Variants in BCL3 observed in about 807,000 individuals in gnomAD.
BCL3 encodes the protein BCL3 transcription coactivator, also known as B-cell lymphoma 3 protein.
A neutral mutation model predicts 35.7 loss-of-function variants in BCL3; 15 were observed. The ratio of observed to expected loss-of-function variants is 0.42; its 90% CI spans 0.28 to 0.65. BCL3 has a LOEUF of 0.65. BCL3 is among the 30% of genes least tolerant of loss of function. The pLI, the probability that BCL3 is intolerant of heterozygous loss-of-function variation, is 0.22. For synonymous variants in BCL3, 311 were observed against 284.3 expected, an observed-to-expected ratio of 1.09 and a Z score of -0.95; for missense variants, 565 against 641.7, an observed-to-expected ratio of 0.88 and a Z score of 1.29.
chr19:44,758,368 G>A lies in BCL3; in HGVS notation c.1014G>A (p.Lys338=). ...LVRSGADSSL[K]NCHNDTPLMV... is the part of the protein sequence containing the mutation. ...GCAGCGGCGCTGACAGCAGCCTCAA[G>A]AACTGCCACAACGACACGCCGCTCA... Residue 338 remains lysine, a synonymous_variant, in exon 7 of 9, where the codon AAG becomes AAA. Transcript: ENST00000164227. 3.2e-6 allele frequency: 5 copies of A among 1,551,592 alleles called. 1 individual carries two copies. Among genetic ancestry groups the A allele is most frequent in the Middle Eastern group, 1.8e-4 (1 of 5,476 alleles).
At chr19:44,754,335 C>A (rs1188411947) in intron 2 of BCL3, among the ~76,000 whole-genome samples, 20 of 152,064 alleles carry the variant, frequency 1.3e-4, no homozygotes, top group Non-Finnish European at 2.2e-4. Flanking sequence ...TATGCGCCCC[C>A]CCTACACACA....
intron 8 of BCL3, among the ~76,000 whole-genome samples, 179 bp downstream of exon 8, chr19:44,759,020 A>G (rs1599844664): frequency 1.7e-5 from 1 of 59,480 alleles, no homozygotes; most frequent in African/African-American, 6.8e-5. Context: ...CCTCCCTCAG[A>G]CCCCAGCCCC....
intron 2 of BCL3, among the ~76,000 whole-genome samples, chr19:44,755,666 C>T (rs899779062): frequency 6.6e-6 from 1 of 152,168 alleles, no homozygotes; most frequent in Non-Finnish European, 1.5e-5. Context: ...AATCCCAGCA[C>T]TTTGGGAGGC....
chr19:44,748,833 G>A lies in BCL3; in HGVS notation c.43G>A (p.Asp15Asn). ...PAGAMDEGPV[D>N]LRTRPKAAGL... ...GGGGGCCATGGACGAGGGGCCCGTG[G>A]ACCTGCGCACCCGGCCCAAGGCCGC... Residue 15 changes from aspartate (D) to asparagine (N), a missense_variant, in exon 1 of 9, where the codon GAC becomes AAC. This residue lies in a region of BCL3 where 267 missense variants were observed against 281.5 expected (regional missense o/e 0.95). Coordinates refer to ENST00000164227, the MANE Select transcript of BCL3 (RefSeq NM_005178.5). 9.0e-7 allele frequency: 1 copy of A among 1,108,792 alleles called. No individual in the cohort carries two copies. Among genetic ancestry groups the A allele is most frequent in the Non-Finnish European group, 1.1e-6 (1 of 910,480 alleles). The allele number at this position is 1,108,792 out of a possible 1,614,324, so 68.7% of individuals were successfully genotyped here.
At chr19:44,753,828 C>CGGG (rs58964062) in intron 2 of BCL3, among the ~76,000 whole-genome samples, 1 of 32,494 alleles carries the variant, frequency 3.1e-5, no homozygotes, top group South Asian at 1.4e-3. Context: ...AAGGCGGGGG[C>CGGG]GGGGGGGGGG....
At chr19:44,756,674 G>T (rs1967293728) in intron 3 of BCL3, among the ~76,000 whole-genome samples, 1 of 151,530 alleles carries the variant, frequency 6.6e-6, no homozygotes, top group African/African-American at 2.4e-5. Context: ...ACTCTAAGTA[G>T]CGAGGTGCTC....
Position 44,759,566 on chromosome 19 carries a change from G to C in BCL3, c.1316G>C (p.Arg439Pro). The change falls in exon 9 of 9, where the codon CGA (arginine) becomes CCA (proline). Residue 439 changes from arginine to proline, a missense_variant. By Grantham distance (103) the Arg-to-Pro change is moderately radical. Coordinates refer to ENST00000164227, the MANE Select transcript of BCL3 (RefSeq NM_005178.5). Reference protein sequence around the residue: ...PAFLPFAGVLRGPGRPVPPSP... With the variant: ...PAFLPFAGVLPGPGRPVPPSP... ...TTCCTGCCCTTTGCTGGGGTCCTCC[G>C]AGGCCCTGGCCGGCCGGTGCCCCCC... 2 of 1,610,828 alleles carry C rather than the reference G, an allele frequency of 1.2e-6. No homozygotes were observed. The highest frequency in any genetic ancestry group is 1.7e-6 in the Non-Finnish European group (2 of 1,179,388).
chr19:44,748,354 A>C (rs967993479), upstream of BCL3, among the ~76,000 whole-genome samples: 2 of 152,092 alleles, frequency 1.3e-5, no homozygotes, highest in African/African-American at 2.4e-5. Context: ...TCAGAGATAG[A>C]GATGTTGAGA....
In BCL3 at chr19:44,754,541, TC is replaced by T. The variant is rs1229444110; in HGVS notation, c.411-1687del. ...TCCGAGGGCTGGGTCGCCCCTCCCG[TC>T]CCCACTTCCTCCAGCCCCGCCCCAC... On this transcript the variant is annotated intron_variant, in intron 2 of 8. Coordinates refer to ENST00000164227, the MANE Select transcript of BCL3 (RefSeq NM_005178.5). 2.6e-5 allele frequency among the ~76,000 whole-genome samples: 4 copies of T among 151,466 alleles called. No homozygotes were observed. The East Asian group carries it at 7.8e-4, about 29-fold the overall frequency.
rs534866962 is a variant in BCL3, at chr19:44,752,443, G to A, written c.410+1063G>A. 7.1e-4 allele frequency among the ~76,000 whole-genome samples: 108 copies of A among 151,596 alleles called. 4 individuals carry two copies. The South Asian group carries it at 0.022, about 31-fold the overall frequency. ...ACTGGTCTCAAACTCCTGGGCTTAA[G>A]TGATCCTCCCACCTCAGCCTCCCAA... is the stretch of plus-strand genomic sequence containing the variant. On this transcript the variant is annotated intron_variant, in intron 2 of 8. Coordinates refer to ENST00000164227, the MANE Select transcript of BCL3 (RefSeq NM_005178.5).
rs937923434 is a variant in BCL3, at chr19:44,757,136, C to T, written c.639C>T (p.Cys213=). Residue 213 remains cysteine (C), a synonymous_variant, in exon 4 of 9, where the codon TGC becomes TGT. Coordinates refer to ENST00000164227, the MANE Select transcript of BCL3 (RefSeq NM_005178.5). The surrounding 1 kb of genome is among the most constrained non-coding windows in gnomAD (Gnocchi z 8.4). The part of the protein sequence containing the change: ...RHGQTAAHLA[C]EHRSPTCLRA... ...GCCAGACGGCCGCTCACCTGGCGTG[C>T]GAGCACCGCAGCCCGACCTGCCTGC... 9 of 1,596,294 alleles carry T rather than the reference C, an allele frequency of 5.6e-6. No individual in the cohort carries two copies. Among genetic ancestry groups the T allele is most frequent in the Admixed American group, 1.7e-5 (1 of 57,876 alleles).
chr19:44,747,712 TC>T (rs1967091931), upstream of BCL3: 1 of 624,760 alleles, frequency 1.6e-6, no homozygotes, highest in African/African-American at 1.9e-5. Context: ...GCCAAACTGC[TC>T]CCCGCTCCTG....
At chr19:44,753,716 AG>A (rs1204674283) in intron 2 of BCL3, among the ~76,000 whole-genome samples, 1 of 148,372 alleles carries the variant, frequency 6.7e-6, no homozygotes, top group Non-Finnish European at 1.5e-5. Context: ...AAAGGTTGGG[AG>A]GCTGGGCTTC....
rs1470601186 is a variant in BCL3, at chr19:44,759,765, A to ACACC, written c.*152_*155dup. On this transcript the variant is annotated 3_prime_UTR_variant, in exon 9 of 9. Coordinates refer to ENST00000164227, the MANE Select transcript of BCL3 (RefSeq NM_005178.5). ...CACAGAAGCACATGCACCTACCCAT[A>ACACC]CACCCCCTCTTCTGAGCACAGATGT... 1.5e-5 allele frequency: 8 copies of ACACC among 530,352 alleles called. No homozygotes were observed. The highest frequency in any genetic ancestry group is 4.3e-5 in the African/African-American group (2 of 46,506). 32.9% of individuals were successfully genotyped at this position (530,352 alleles called of 1,614,324 possible). A position where few individuals can be genotyped will look rare whatever the true frequency, so the allele number is the denominator to read the frequency against.
chr19:44,758,913 C>A, intron 8 of BCL3, 72 bp downstream of exon 8: 1 of 1,304,560 alleles, frequency 7.7e-7, no homozygotes, highest in Middle Eastern at 1.9e-4. Context: ...CCCACAGCCC[C>A]TCCTCCCTCA....
chr19:44,751,261 G>A lies in BCL3; in HGVS notation c.291G>A (p.Met97Ile). 6.2e-7 allele frequency: 1 copy of A among 1,611,292 alleles called. No homozygotes were observed. Among genetic ancestry groups the A allele is most frequent in the Non-Finnish European group, 8.5e-7 (1 of 1,178,882 alleles). The change falls in exon 2 of 9, where the codon ATG (methionine) becomes ATA (isoleucine). Residue 97 changes from methionine to isoleucine, a missense_variant. Around this residue, in one of 5 missense-constraint regions of BCL3, gnomAD observed 267 missense variants for 281.5 expected, o/e 0.95. Transcript: ENST00000164227. ...ALLPLYPTRA[M>I]GSPFPLVNLP... ...TGCCTTTGTACCCCACTCGGGCCAT[G>A]GGCTCCCCGTTTCCTCTGGTGAACC...
At position 44,759,704 on chromosome 19, in the gene BCL3, T is replaced by A; in HGVS notation, c.*89T>A. ...CTTCTGGAAACTGTGAAGATCTCAC[T>A]CTGCCCCCCCCCCCCATCTTCGGGA... On this transcript the variant is annotated 3_prime_UTR_variant, in exon 9 of 9. Coordinates refer to ENST00000164227, the MANE Select transcript of BCL3 (RefSeq NM_005178.5). The A allele has an allele frequency of 1.6e-5, 10 of 634,710 alleles. No homozygotes were observed. The highest frequency in any genetic ancestry group is 2.0e-5 in the South Asian group (1 of 49,446). The allele number at this position is 634,710 out of a possible 1,614,324, so 39.3% of individuals were successfully genotyped here. A position where few individuals can be genotyped will look rare whatever the true frequency, so the allele number is the denominator to read the frequency against.
At chr19:44,749,884 A>C (rs1325385171) in intron 1 of BCL3, among the ~76,000 whole-genome samples, 1 of 152,200 alleles carries the variant, frequency 6.6e-6, no homozygotes, top group Non-Finnish European at 1.5e-5. Context: ...CAAGGCCTCA[A>C]GGCCTGGTAT....
At chr19:44,752,630 C>A (rs1403546421) in intron 2 of BCL3, among the ~76,000 whole-genome samples, 1 of 152,244 alleles carries the variant, frequency 6.6e-6, no homozygotes, top group East Asian at 1.9e-4. Context: ...CACCTGCAGT[C>A]TGAAGAACAT....
Sources: gnomAD v4.1 joint callset for allele counts (sites outside exome capture counted in the v4.1 genomes callset) on GRCh38, gnomAD v4.1.1 for gene constraint, gnomAD v4.1.1 regional missense constraint, Gnocchi (gnomAD v3.1) non-coding constraint, MANE v1.5 for transcripts, NCBI Gene and HGNC (gene_info 2026-07-23, HGNC 2026-07-21) for gene names.